NFATC2: variants seen among roughly 807,000 people sequenced by gnomAD.
NFATC2 encodes the protein nuclear factor of activated T-cells, cytoplasmic 2.
In NFATC2, 22 loss-of-function variants were observed where a neutral mutation model predicts 87.3. That is an observed-to-expected ratio of 0.25 (90% CI 0.18 to 0.36). The LOEUF (loss-of-function observed/expected upper bound fraction) is 0.36. NFATC2 is among the 10% of genes least tolerant of loss of function. The pLI, the probability that NFATC2 is intolerant of heterozygous loss-of-function variation, is 1.00. For synonymous variants in NFATC2, 565 were observed against 542.2 expected (o/e 1.04, Z -0.58); for missense variants, 1,149 against 1,259.1 (o/e 0.91, Z 1.32).
At chr20:51,486,040 G>A (rs1420176467) in intron 3 of NFATC2, among the ~76,000 whole-genome samples, 2 of 151,880 alleles carry the variant, frequency 1.3e-5, no homozygotes, top group African/African-American at 2.4e-5. Flanking sequence ...GTGAAACCCC[G>A]TCTCTACTAC....
chr20:51,478,250 A>C (rs1292815829), intron 3 of NFATC2, among the ~76,000 whole-genome samples: 1 of 152,258 alleles, frequency 6.6e-6, no homozygotes, highest in Non-Finnish European at 1.5e-5. Flanking sequence ...GACGAAAATC[A>C]AAATAAGGGC....
At chr20:51,542,342 G>C (rs758056508) in intron 1 of NFATC2, 28 bp downstream of exon 1, 2 of 1,598,250 alleles carry the variant, frequency 1.3e-6, no homozygotes, top group East Asian at 2.3e-5. Flanking sequence ...CGGGCTCAGG[G>C]GCCAGGCCAG....
intron 3 of NFATC2, among the ~76,000 whole-genome samples, chr20:51,515,685 T>TAA (rs11481096): frequency 0.025 from 3,654 of 144,410 alleles, 156 homozygotes; most frequent in African/African-American, 0.087. Context: ...GTGTCTGATT[T>TAA]AAAAAAAAAA....
chr20:51,540,229 T>A (rs531710908), intron 1 of NFATC2, among the ~76,000 whole-genome samples: 1 of 152,268 alleles, frequency 6.6e-6, no homozygotes, highest in South Asian at 2.1e-4. Context: ...GCCAGGCTGG[T>A]CTTGACCTCC....
rs1463226837 is a variant in NFATC2 at position 51,523,481 on chromosome 20, G to A, written c.760C>T (p.His254Tyr). ...RSSSPGAKRR[H>Y]SCAEALVALP... ...GCAACCAAGGCCTCGGCGCACGAAT[G>A]CCTCCGCTTGGCACCAGGCGATGAG... is the stretch of plus-strand genomic sequence containing the variant. The change falls in exon 2 of 11, where the codon CAT (histidine) becomes TAT (tyrosine). Residue 254 changes from histidine (H) to tyrosine (Y), a missense_variant. This residue lies in a region of NFATC2 where 563 missense variants were observed against 585.2 expected (regional missense o/e 0.96). Coordinates refer to ENST00000371564, the MANE Select transcript of NFATC2 (RefSeq NM_012340.5). This position sits in a 1 kb window ranked among gnomAD's most constrained non-coding sequence, Gnocchi z 6.9. 1 of 1,611,432 alleles carries A rather than the reference G, an allele frequency of 6.2e-7. No homozygotes were observed. The highest frequency in any genetic ancestry group is 8.5e-7 in the Non-Finnish European group (1 of 1,178,770).
At position 51,431,200 on chromosome 20, in the gene NFATC2, A is replaced by G. The variant is rs1439656174; in HGVS notation, c.2722+867T>C. Among the ~76,000 whole-genome samples the G allele has an allele frequency of 3.3e-5, 5 of 152,214 alleles. No homozygotes were observed. The East Asian group carries it at 5.8e-4, about 18-fold the overall frequency. ...TTTTAAAAGAAAAATGAAGGTAAAG[A>G]AAGTCCAACAGCCTATTTTTCTGTC... On this transcript the variant is annotated intron_variant, in intron 9 of 10. Transcript: ENST00000371564.
chr20:51,467,326 G>A (rs536426968), intron 5 of NFATC2, among the ~76,000 whole-genome samples: 81 of 152,180 alleles, frequency 5.3e-4, no homozygotes, highest in African/African-American at 1.8e-3. Flanking sequence ...GGAGGTGGAG[G>A]CAGGTGGATC....
chr20:51,413,487 G>A (rs1349222984), intron 9 of NFATC2, among the ~76,000 whole-genome samples: 1 of 152,186 alleles, frequency 6.6e-6, no homozygotes, highest in African/African-American at 2.4e-5. Flanking sequence ...GGCGGGGTGT[G>A]GCAGCTCATA....
chr20:51,449,772 GT>G (rs1375640530), intron 6 of NFATC2, among the ~76,000 whole-genome samples: 2 of 152,310 alleles, frequency 1.3e-5, no homozygotes, highest in South Asian at 4.2e-4. Context: ...TCTGTGCTCA[GT>G]TTCTCACCAG....
intron 1 of NFATC2, among the ~76,000 whole-genome samples, chr20:51,538,788 T>G (rs1477986622): frequency 1.3e-5 from 2 of 152,250 alleles, no homozygotes; most frequent in Non-Finnish European, 2.9e-5. Flanking sequence ...AACGGTCCTA[T>G]GAGGCAAGTG....
intron 1 of NFATC2, among the ~76,000 whole-genome samples, chr20:51,560,464 C>T (rs1482676672): frequency 2.0e-5 from 3 of 152,206 alleles, no homozygotes; most frequent in Non-Finnish European, 2.9e-5. Context: ...TTTCACAGGG[C>T]CAATGCCGCT....
chr20:51,534,083 G>A (rs1282915163), intron 1 of NFATC2, among the ~76,000 whole-genome samples: 3 of 152,080 alleles, frequency 2.0e-5, no homozygotes, highest in Admixed American at 6.6e-5. Context: ...TCACGTGTAC[G>A]CTCCCCTGTT....
At chr20:51,546,328 T>C (rs1028807319), upstream of NFATC2, among the ~76,000 whole-genome samples, 1 of 152,168 alleles carries the variant, frequency 6.6e-6, no homozygotes, top group African/African-American at 2.4e-5. Context: ...AAGGGTCTTC[T>C]TCCCTAAAGG....
intron 2 of NFATC2, among the ~76,000 whole-genome samples, chr20:51,518,372 T>C (rs552625603): frequency 3.2e-4 from 48 of 152,316 alleles, no homozygotes; most frequent in South Asian, 2.1e-3. Flanking sequence ...ATTCTATGTC[T>C]TCTCTATCAC....
chr20:51,528,575 AC>A, intron 1 of NFATC2, among the ~76,000 whole-genome samples: 1 of 152,350 alleles, frequency 6.6e-6, no homozygotes, highest in East Asian at 1.9e-4. Flanking sequence ...TCTGGAAGTC[AC>A]AAGTAATAGT....
intron 9 of NFATC2, among the ~76,000 whole-genome samples, chr20:51,414,034 AG>A (rs1458998764): frequency 6.6e-6 from 1 of 152,216 alleles, no homozygotes; most frequent in Non-Finnish European, 1.5e-5. Flanking sequence ...TTTTAAACCC[AG>A]GCAGTCTCGG....
chr20:51,394,694 T>C (rs1336719703), intron 10 of NFATC2, among the ~76,000 whole-genome samples: 1 of 141,412 alleles, frequency 7.1e-6, no homozygotes, highest in Non-Finnish European at 1.5e-5. Flanking sequence ...TTGGGAAACT[T>C]CAGGTCACAG....
chr20:51,462,903 C>A (rs183788357), intron 5 of NFATC2, among the ~76,000 whole-genome samples: 1 of 152,198 alleles, frequency 6.6e-6, no homozygotes, highest in African/African-American at 2.4e-5. Context: ...TGGGGGATTC[C>A]GCTACCCCAT....
At chr20:51,496,102 G>A (rs957758824) in intron 3 of NFATC2, among the ~76,000 whole-genome samples, 3 of 152,158 alleles carry the variant, frequency 2.0e-5, no homozygotes, top group Non-Finnish European at 4.4e-5. Flanking sequence ...AGGAATGTGG[G>A]TGTGTGAACT....
Sources: gnomAD v4.1 joint callset for allele counts (sites outside exome capture counted in the v4.1 genomes callset) on GRCh38, gnomAD v4.1.1 for gene constraint, gnomAD v4.1.1 regional missense constraint, Gnocchi (gnomAD v3.1) non-coding constraint, MANE v1.5 for transcripts, NCBI Gene and HGNC (gene_info 2026-07-23, HGNC 2026-07-21) for gene names.